Variants in CNTN5 observed in about 807,000 individuals in gnomAD.
CNTN5 encodes the protein contactin-5.
CNTN5 carries 77 observed loss-of-function variants against 129.1 expected under a neutral mutation model. That is an observed-to-expected ratio of 0.60 (90% CI 0.50 to 0.72). The LOEUF is 0.72. Ranked by LOEUF, CNTN5 falls within the 30% of genes least tolerant of loss-of-function variation. The probability of loss-of-function intolerance (pLI) is 0.00; values close to 1 mark genes in which losing one functional copy is unlikely to be tolerated. For missense variants in CNTN5, 1,478 were observed against 1,328.8 expected, an observed-to-expected ratio of 1.11 and a Z score of -1.75; for synonymous variants, 509 against 465.6, an observed-to-expected ratio of 1.09 and a Z score of -1.20.
rs557886102 is a variant in CNTN5, at chr11:99,785,404, A to G, written c.56-34140A>G. 4.6e-5 allele frequency among the ~76,000 whole-genome samples: 7 copies of G among 152,184 alleles called. No homozygotes were observed. The South Asian group carries it at 1.5e-3, about 32-fold the overall frequency. On this transcript the variant is annotated intron_variant, in intron 3 of 24. Coordinates refer to ENST00000524871, the MANE Select transcript of CNTN5 (RefSeq NM_014361.4). Reference sequence around the variant, plus strand: ...TGCTGTGCAGAAGCTCTTTAGTTTAATTAGATCCCATTTGACAATTTTTCC... The same window carrying G: ...TGCTGTGCAGAAGCTCTTTAGTTTAGTTAGATCCCATTTGACAATTTTTCC...
At position 99,396,887 on chromosome 11, in the gene CNTN5, C is replaced by T. The variant is rs566812261; in HGVS notation, c.-71+71403C>T. Among the ~76,000 whole-genome samples the T allele has an allele frequency of 8.6e-5, 13 of 151,750 alleles. No individual in the cohort carries two copies. In the East Asian group the frequency reaches 2.1e-3, roughly 25 times the overall value. ...GAATAAAACAAGTATCTAGTGCATA[C>T]GACATTCAACACATTTGGTATGCCT... is the stretch of plus-strand genomic sequence containing the variant. On this transcript the variant is annotated intron_variant, in intron 2 of 24. Coordinates refer to ENST00000524871, the MANE Select transcript of CNTN5 (RefSeq NM_014361.4).
At chr11:99,913,579 T>G (rs918975250) in intron 6 of CNTN5, among the ~76,000 whole-genome samples, 3 of 152,068 alleles carry the variant, frequency 2.0e-5, no homozygotes, top group African/African-American at 7.2e-5. Context: ...TATTAAAAGC[T>G]GGTACAAAAT....
chr11:99,312,157 C>A (rs1425342914), intron 1 of CNTN5, among the ~76,000 whole-genome samples: 1 of 151,912 alleles, frequency 6.6e-6, no homozygotes, highest in African/African-American at 2.4e-5. Context: ...TGCATCAATC[C>A]AACAACAAAG....
At chr11:99,478,057 C>A (rs1945448337) in intron 2 of CNTN5, among the ~76,000 whole-genome samples, 1 of 151,752 alleles carries the variant, frequency 6.6e-6, no homozygotes, top group African/African-American at 2.4e-5. Flanking sequence ...TTTCAAATAT[C>A]TTTTCTTTAT....
chr11:99,068,013 C>T (rs1009050768), intron 1 of CNTN5, among the ~76,000 whole-genome samples: 5 of 152,104 alleles, frequency 3.3e-5, no homozygotes, highest in African/African-American at 1.2e-4. Flanking sequence ...GCTTCTCCTG[C>T]ATTATTCTCC....
chr11:99,066,581 TAAAATC>T (rs562997508), intron 1 of CNTN5, among the ~76,000 whole-genome samples: 166 of 152,260 alleles, frequency 1.1e-3, no homozygotes, highest in Non-Finnish European at 2.2e-3. Flanking sequence ...CTTCAGTAGA[TAAAATC>T]AATACCCAAC....
intron 2 of CNTN5, among the ~76,000 whole-genome samples, chr11:99,457,476 T>C (rs542139034): frequency 9.0e-4 from 136 of 151,946 alleles, no homozygotes; most frequent in Non-Finnish European, 1.7e-3. Context: ...TAAGAATGGG[T>C]AGAATTTCAG....
chr11:100,049,331 A>G (rs1942841928), intron 9 of CNTN5, among the ~76,000 whole-genome samples: 1 of 152,130 alleles, frequency 6.6e-6, no homozygotes, highest in Admixed American at 6.6e-5. Flanking sequence ...TGTCAGATTC[A>G]TATCGCAAAC....
At chr11:99,754,292 T>C (rs1185957308) in intron 3 of CNTN5, among the ~76,000 whole-genome samples, 1 of 152,216 alleles carries the variant, frequency 6.6e-6, no homozygotes, top group Non-Finnish European at 1.5e-5. Flanking sequence ...AAAAGGAATA[T>C]ACACATTTCT....
chr11:99,667,448 TAATGTTGATAGTA>T (rs766847327), intron 3 of CNTN5, among the ~76,000 whole-genome samples: 7 of 152,182 alleles, frequency 4.6e-5, no homozygotes, highest in Non-Finnish European at 1.0e-4. Flanking sequence ...CCTCAATGGC[TAATGTTGATAGTA>T]AAGTTGTATA....
intron 6 of CNTN5, among the ~76,000 whole-genome samples, chr11:99,877,858 C>A (rs78135525): frequency 0.039 from 5,877 of 152,176 alleles, 195 homozygotes; most frequent in East Asian, 0.16. Context: ...AGTATAATAC[C>A]AATTTATTTC....
chr11:100,067,806 T>C (rs1233940550), intron 10 of CNTN5, among the ~76,000 whole-genome samples: 1 of 150,970 alleles, frequency 6.6e-6, no homozygotes, highest in Non-Finnish European at 1.5e-5. Context: ...ATCTTCAGAG[T>C]AAGCATTTTA....
chr11:99,518,266 A>G (rs1026106829), intron 2 of CNTN5, among the ~76,000 whole-genome samples: 2 of 152,140 alleles, frequency 1.3e-5, no homozygotes, highest in African/African-American at 4.8e-5. Context: ...ACAGGAAAGC[A>G]GCATTGTTAA....
intron 3 of CNTN5, among the ~76,000 whole-genome samples, chr11:99,722,717 G>A (rs1943213231): frequency 6.6e-6 from 1 of 152,010 alleles, no homozygotes; most frequent in Admixed American, 6.6e-5. Context: ...AGATTTGTCA[G>A]AGAATTTTGC....
At chr11:100,021,680 G>C (rs986218941) in intron 9 of CNTN5, among the ~76,000 whole-genome samples, 1 of 152,164 alleles carries the variant, frequency 6.6e-6, no homozygotes, top group African/African-American at 2.4e-5. Context: ...ATATATGAAA[G>C]AGTGTTTATT....
chr11:99,944,511 A>G (rs1950513403), intron 7 of CNTN5, among the ~76,000 whole-genome samples: 1 of 152,150 alleles, frequency 6.6e-6, no homozygotes, highest in Admixed American at 6.6e-5. Context: ...AGTTCTGGCC[A>G]GGGCAATCAG....
intron 3 of CNTN5, among the ~76,000 whole-genome samples, chr11:99,684,724 A>G (rs1319778526): frequency 6.6e-6 from 1 of 151,874 alleles, no homozygotes; most frequent in African/African-American, 2.4e-5. Context: ...GTCCATTTCA[A>G]ATAATTTTCG....
intron 6 of CNTN5, among the ~76,000 whole-genome samples, chr11:99,869,303 G>T (rs1050780936): frequency 5.3e-5 from 8 of 152,172 alleles, no homozygotes; most frequent in African/African-American, 1.9e-4. Context: ...ATTGTGAATT[G>T]TCAAAATCAA....
chr11:99,129,037 C>G (rs1026102748), intron 1 of CNTN5, among the ~76,000 whole-genome samples: 2 of 152,086 alleles, frequency 1.3e-5, no homozygotes, highest in African/African-American at 4.8e-5. Flanking sequence ...ATTTCAAAAG[C>G]CAGAAATGCC....
Sources: gnomAD v4.1 joint callset for allele counts (sites outside exome capture counted in the v4.1 genomes callset) on GRCh38, gnomAD v4.1.1 for gene constraint, MANE v1.5 for transcripts, NCBI Gene and HGNC (gene_info 2026-07-23, HGNC 2026-07-21) for gene names.